The following LSS variants were observed in gnomAD, a reference collection of about 807,000 sequenced individuals.
LSS encodes 2,3-epoxysqualene-lanosterol cyclase.
Under a neutral mutation model 110.3 loss-of-function variants are expected in LSS, and 90 were observed. The observed-to-expected ratio is 0.82, with a 90% CI of 0.69 to 0.97. The LOEUF (loss-of-function observed/expected upper bound fraction) is 0.97, where lower values mean the gene tolerates loss of function less well. Ranked by LOEUF, LSS falls within the 50% of genes least tolerant of loss-of-function variation. The pLI is 0.00. For missense variants in LSS, 927 were observed against 990.0 expected (o/e 0.94, Z 0.85); for synonymous variants, 433 against 400.0 (o/e 1.08, Z -0.98).
At chr21:46,194,896 G>A (rs1441618753) in intron 19 of LSS, among the ~76,000 whole-genome samples, 2 of 152,258 alleles carry the variant, frequency 1.3e-5, no homozygotes, top group African/African-American at 2.4e-5. Flanking sequence ...TGCGAGTACC[G>A]AGGATGGCCT....
chr21:46,213,238 A>G (rs2080157076), intron 10 of LSS, among the ~76,000 whole-genome samples, 186 bp from the exon 11 acceptor site: 1 of 152,178 alleles, frequency 6.6e-6, no homozygotes. Context: ...CTCTATGGAA[A>G]ACAGGACACA....
rs116082907 is a variant in LSS at position 46,201,770 on chromosome 21, A to T, written c.1670+4066T>A. The stretch of plus-strand genomic sequence containing the variant: ...AAAGTAACTTGCAACTCCAAACTGT[A>T]TCTCAAAAACTCTCCAGGTAAGTTT... On this transcript the variant is annotated intron_variant, in intron 17 of 21. Coordinates refer to ENST00000397728, the MANE Select transcript of LSS (RefSeq NM_002340.6). 8.6e-3 allele frequency among the ~76,000 whole-genome samples: 1,300 copies of T among 151,568 alleles called. 16 individuals are homozygous for T. The highest frequency in any genetic ancestry group is 0.03 in the African/African-American group (1,242 of 41,348).
intron 4 of LSS, 92 bp from the exon 5 acceptor site, chr21:46,222,067 A>T: frequency 6.8e-7 from 1 of 1,473,216 alleles, no homozygotes; most frequent in Non-Finnish European, 9.4e-7. Context: ...TCAGAAAACT[A>T]AGAATGCTAA....
chr21:46,205,858 C>A lies in LSS; in HGVS notation c.1648G>T (p.Glu550Ter). The A allele has an allele frequency of 6.2e-7, 1 of 1,608,580 alleles. No individual in the cohort carries two copies. The highest frequency in any genetic ancestry group is 8.5e-7 in the Non-Finnish European group (1 of 1,177,628). Residue 550 changes from glutamate (E) to a stop codon, truncating the protein, a stop_gained, in exon 17 of 22, where the codon GAG becomes TAG. Coordinates refer to ENST00000397728, the MANE Select transcript of LSS (RefSeq NM_002340.6). LOFTEE classifies it high-confidence loss of function. Reference sequence around the variant, plus strand: ...TACCGGATCTCCGCTGCCCTGTGCTCCGGGAAACGCTTGTGGAAATACTTA... The same window carrying A: ...TACCGGATCTCCGCTGCCCTGTGCTACGGGAAACGCTTGTGGAAATACTTA... ...ALKYFHKRFP[E>*]HRAAEIRETL...
At chr21:46,196,366 T>C (rs2079910495) in intron 17 of LSS, 99 bp from the exon 18 acceptor site, 2 of 991,574 alleles carry the variant, frequency 2.0e-6, no homozygotes, top group Non-Finnish European at 3.2e-6. Flanking sequence ...GAGAATGGTC[T>C]CCCTTAAAAA....
rs756414571 is a variant in LSS, at chr21:46,191,190, T to C, written c.2113A>G (p.Thr705Ala). 4.3e-6 allele frequency: 7 copies of C among 1,614,032 alleles called. No individual in the cohort carries two copies. The African/African-American group carries it at 6.7e-5, about 15-fold the overall frequency. The change falls in exon 22 of 22, where the codon ACG becomes GCG. Residue 705 changes from threonine (T) to alanine (A), a missense_variant. Physicochemically the swap from Thr to Ala is moderately conservative, Grantham distance 58. Transcript: ENST00000397728. ...VFNKSCAISY[T>A]SYRNIFPIWA... The stretch of plus-strand genomic sequence containing the variant: ...ATGGGGAAGATGTTCCTGTAGCTCG[T>C]GTAGGAGATGGCACAGGACTTGTTG...
At position 46,227,572 on chromosome 21, in the gene LSS, C is replaced by A. The variant is rs536205721; in HGVS notation, c.299G>T (p.Gly100Val). Residue 100 changes from glycine (G) to valine (V), a missense_variant, in exon 3 of 22, where the codon GGC becomes GTC. Coordinates refer to ENST00000397728, the MANE Select transcript of LSS (RefSeq NM_002340.6). ...CCTACCTGGCAGGAGGAAAAGTGGG[C>A]CACCATAATCACCCGTCCAGTGCCC... is the stretch of plus-strand genomic sequence containing the variant. ...EDGHWTGDYGGPLFLLPGLLI... is the reference protein window; with the variant it reads ...EDGHWTGDYGVPLFLLPGLLI... The A allele has an allele frequency of 6.2e-7, 1 of 1,613,966 alleles. No homozygotes were observed. The highest frequency in any genetic ancestry group is 1.3e-5 in the African/African-American group (1 of 75,020).
chr21:46,206,875 G>A (rs1482098867), intron 15 of LSS, 107 bp from the exon 16 acceptor site: 2 of 824,764 alleles, frequency 2.4e-6, no homozygotes, highest in Non-Finnish European at 4.1e-6. Flanking sequence ...GACAACCGAT[G>A]GGGCAGGAAC....
intron 17 of LSS, among the ~76,000 whole-genome samples, chr21:46,202,273 A>G (rs562891304): frequency 1.6e-3 from 231 of 143,890 alleles, no homozygotes; most frequent in Non-Finnish European, 2.7e-3. Context: ...GGGCGCCTGT[A>G]GTCCCAGCTA....
intron 17 of LSS, among the ~76,000 whole-genome samples, chr21:46,198,889 C>T (rs1252698170): frequency 7.4e-6 from 1 of 134,900 alleles, no homozygotes; most frequent in Non-Finnish European, 1.6e-5. Context: ...CAAAAGTTAA[C>T]TCAAAATGAA....
At chr21:46,205,323 C>T (rs188604299) in intron 17 of LSS, among the ~76,000 whole-genome samples, 1 of 151,124 alleles carries the variant, frequency 6.6e-6, no homozygotes, top group Non-Finnish European at 1.5e-5. Flanking sequence ...GAAGGCAACA[C>T]GAATTCCACA....
chr21:46,222,812 G>A (rs557025431), intron 3 of LSS, 74 bp from the exon 4 acceptor site: 12 of 1,112,004 alleles, frequency 1.1e-5, no homozygotes, highest in Middle Eastern at 2.0e-4. Flanking sequence ...CTTTCCTCCT[G>A]AGCACCTCAC....
At chr21:46,201,467 G>A (rs7276370) in intron 17 of LSS, among the ~76,000 whole-genome samples, 14 of 16,676 alleles carry the variant, frequency 8.4e-4, no homozygotes, top group South Asian at 5.4e-3. Flanking sequence ...AGCCCTGAGG[G>A]TAGAGCCTGG....
chr21:46,197,081 A>G (rs1340742807), intron 17 of LSS, among the ~76,000 whole-genome samples: 26 of 152,402 alleles, frequency 1.7e-4, no homozygotes, highest in Non-Finnish European at 5.9e-5. Context: ...GACTTCTGAC[A>G]CACAGAAACG....
At chr21:46,226,729 A>C (rs916378779) in intron 3 of LSS, among the ~76,000 whole-genome samples, 1 of 152,252 alleles carries the variant, frequency 6.6e-6, no homozygotes, top group Non-Finnish European at 1.5e-5. Flanking sequence ...ATATAAGCCT[A>C]TTGCAACTTC....
chr21:46,216,559 A>C lies in LSS; in HGVS notation c.648-35T>G. On this transcript the variant is annotated intron_variant, in intron 6 of 21. Coordinates refer to ENST00000397728, the MANE Select transcript of LSS (RefSeq NM_002340.6). The surrounding 1 kb of genome is among the most constrained non-coding windows in gnomAD (Gnocchi z 4.2). ...CAGCAGGAGTCAGTGGGAGACCCCA[A>C]GACTCAAGCCTGCCCCCTCCGCCAG... 6.5e-7 allele frequency: 1 copy of C among 1,546,740 alleles called. No individual in the cohort carries two copies. Among genetic ancestry groups the C allele is most frequent in the Non-Finnish European group, 8.8e-7 (1 of 1,142,696 alleles).
At chr21:46,214,095 C>T (rs1426758797) in intron 9 of LSS, among the ~76,000 whole-genome samples, 1 of 152,224 alleles carries the variant, frequency 6.6e-6, no homozygotes, top group Non-Finnish European at 1.5e-5. Flanking sequence ...GAGCAGCACT[C>T]CACCAGGGAG....
At chr21:46,196,893 G>A (rs1014187186) in intron 17 of LSS, among the ~76,000 whole-genome samples, 6 of 152,218 alleles carry the variant, frequency 3.9e-5, no homozygotes, top group East Asian at 1.9e-4. Context: ...GAGAGGCCCC[G>A]CAGCAGACGG....
At chr21:46,219,439 A>T in intron 6 of LSS, 37 bp downstream of exon 6, 1 of 1,485,520 alleles carries the variant, frequency 6.7e-7, no homozygotes, top group Non-Finnish European at 9.2e-7. Flanking sequence ...CCGGGACAGC[A>T]GCAGCGACCC....
Sources: allele counts gnomAD v4.1 joint callset (sites outside exome capture counted in the v4.1 genomes callset), GRCh38; gene constraint gnomAD v4.1.1; non-coding constraint Gnocchi (gnomAD v3.1); transcripts MANE v1.5; gene names NCBI Gene and HGNC (gene_info 2026-07-23, HGNC 2026-07-21).